TSPAN18: variants seen among roughly 807,000 people sequenced by gnomAD.
The protein encoded by TSPAN18 is tetraspanin-18.
Under a neutral mutation model 27.3 loss-of-function variants are expected in TSPAN18, and 14 were observed. That is an observed-to-expected ratio of 0.51 (90% confidence interval 0.34 to 0.80). The LOEUF (loss-of-function observed/expected upper bound fraction) is 0.80. TSPAN18 is among the 30% of genes least tolerant of loss of function. The pLI is 0.01. For missense variants in TSPAN18, 268 were observed against 323.9 expected, an observed-to-expected ratio of 0.83 and a Z score of 1.32; for synonymous variants, 143 against 136.5, an observed-to-expected ratio of 1.05 and a Z score of -0.33.
At chr11:44,794,008 G>A (rs527530954) in intron 2 of TSPAN18, among the ~76,000 whole-genome samples, 1 of 152,320 alleles carries the variant, frequency 6.6e-6, no homozygotes, top group Admixed American at 6.5e-5. Context: ...CGATCTGTCA[G>A]CGGGTGGGAC....
intron 4 of TSPAN18, among the ~76,000 whole-genome samples, chr11:44,908,755 A>AAAGAAAGAAAG (rs60797298): frequency 1.8e-5 from 2 of 111,234 alleles, no homozygotes; most frequent in African/African-American, 7.8e-5. Flanking sequence ...AGAGAGAGAG[A>AAAGAAAGAAAG]GAGAGAGAGA....
intron 3 of TSPAN18, among the ~76,000 whole-genome samples, chr11:44,885,431 T>C (rs761536910): frequency 4.6e-5 from 7 of 152,116 alleles, no homozygotes; most frequent in Non-Finnish European, 1.5e-5. Flanking sequence ...GGCTTCCTGG[T>C]GGGATTGCCA....
chr11:44,922,592 CAG>C (rs921037055), intron 8 of TSPAN18, among the ~76,000 whole-genome samples: 1 of 152,090 alleles, frequency 6.6e-6, no homozygotes, highest in South Asian at 2.1e-4. Context: ...CCTGGGTAGA[CAG>C]GGGGCTTTTA....
At chr11:44,825,878 C>T (rs1202784077) in intron 2 of TSPAN18, among the ~76,000 whole-genome samples, 1 of 152,170 alleles carries the variant, frequency 6.6e-6, no homozygotes, top group Non-Finnish European at 1.5e-5. Flanking sequence ...ACAGGCCTTA[C>T]AGGACATGCA....
intron 6 of TSPAN18, among the ~76,000 whole-genome samples, chr11:44,918,929 A>G (rs1422606271): frequency 1.3e-5 from 2 of 151,908 alleles, no homozygotes; most frequent in Non-Finnish European, 2.9e-5. Context: ...CCCCACCCAG[A>G]TAAGCCCTCC....
chr11:44,787,134 G>A (rs1856077445), intron 2 of TSPAN18, among the ~76,000 whole-genome samples: 1 of 152,106 alleles, frequency 6.6e-6, no homozygotes. Context: ...AAATTGTTTG[G>A]GGCAAAAATT....
At chr11:44,856,726 TC>T (rs1423921310) in intron 2 of TSPAN18, among the ~76,000 whole-genome samples, 3 of 152,214 alleles carry the variant, frequency 2.0e-5, no homozygotes, top group Non-Finnish European at 4.4e-5. Flanking sequence ...GCTCATGGTC[TC>T]CAGGAAACAG....
intron 8 of TSPAN18, 100 bp from the exon 9 acceptor site, chr11:44,926,574 C>T: frequency 9.2e-7 from 1 of 1,084,370 alleles, no homozygotes; most frequent in Non-Finnish European, 1.4e-6. Flanking sequence ...AGGGTGAGAG[C>T]TCTGGGGACA....
At chr11:44,918,156 C>G in intron 6 of TSPAN18, 110 bp downstream of exon 6, 4 of 1,143,892 alleles carry the variant, frequency 3.5e-6, no homozygotes, top group Non-Finnish European at 5.1e-6. Flanking sequence ...TGGGCAGCCT[C>G]TCATCTGGCA....
intron 3 of TSPAN18, 75 bp from the exon 4 acceptor site, chr11:44,906,332 C>A (rs1327943791): frequency 7.3e-7 from 1 of 1,370,920 alleles, no homozygotes; most frequent in Non-Finnish European, 1.0e-6. Context: ...CTGCGGGGAA[C>A]CCCTGGGGAG....
chr11:44,839,736 G>A (rs1857333085), intron 2 of TSPAN18, among the ~76,000 whole-genome samples: 2 of 152,134 alleles, frequency 1.3e-5, no homozygotes, highest in African/African-American at 4.8e-5. Flanking sequence ...GGGGAGGGAG[G>A]TAAGTGTTGT....
At chr11:44,791,858 C>T (rs1017468988) in intron 2 of TSPAN18, among the ~76,000 whole-genome samples, 10 of 152,296 alleles carry the variant, frequency 6.6e-5, no homozygotes, top group Admixed American at 2.0e-4. Flanking sequence ...CAGCGAGCTT[C>T]GGTTTGTCAC....
rs550970815 is a variant in TSPAN18 at position 44,915,214 on chromosome 11, G to T, written c.259-2758G>T. 5.9e-5 allele frequency among the ~76,000 whole-genome samples: 9 copies of T among 152,294 alleles called. No individual in the cohort carries two copies. The South Asian group carries it at 1.9e-3, about 32-fold the overall frequency. ...GTGAGAGGGCAGAGGGTGGGGAGGG[G>T]CTCCTCATAGAGGACCCATGTAATG... On this transcript the variant is annotated intron_variant, in intron 5 of 9. Coordinates refer to ENST00000520358, the MANE Select transcript of TSPAN18 (RefSeq NM_130783.5).
intron 2 of TSPAN18, among the ~76,000 whole-genome samples, chr11:44,778,002 G>T (rs558048926): frequency 6.6e-6 from 1 of 152,226 alleles, no homozygotes; most frequent in South Asian, 2.1e-4. Context: ...ATACCCTAGG[G>T]GGTAGAGCAC....
intron 2 of TSPAN18, among the ~76,000 whole-genome samples, chr11:44,837,734 C>T (rs1857291708): frequency 6.6e-6 from 1 of 152,254 alleles, no homozygotes; most frequent in South Asian, 2.1e-4. Flanking sequence ...CAGCCATCAA[C>T]ATGGAGGCAA....
chr11:44,778,351 T>C (rs1027590248), intron 2 of TSPAN18, among the ~76,000 whole-genome samples: 2 of 152,096 alleles, frequency 1.3e-5, no homozygotes, highest in African/African-American at 4.8e-5. Context: ...GGGAGGTCTC[T>C]GGTCTGTCAC....
intron 2 of TSPAN18, among the ~76,000 whole-genome samples, chr11:44,775,993 C>T (rs1267846161): frequency 6.6e-6 from 1 of 152,168 alleles, no homozygotes; most frequent in Non-Finnish European, 1.5e-5. Flanking sequence ...AATGTATTAG[C>T]TGCTCCCTGG....
chr11:44,883,117 G>A (rs1190903030), intron 3 of TSPAN18, among the ~76,000 whole-genome samples: 1 of 152,264 alleles, frequency 6.6e-6, no homozygotes. Context: ...GCTTTTACAG[G>A]ATGAGACCCA....
At chr11:44,822,590 G>A (rs1026712112) in intron 2 of TSPAN18, among the ~76,000 whole-genome samples, 1 of 151,838 alleles carries the variant, frequency 6.6e-6, no homozygotes, top group African/African-American at 2.4e-5. Context: ...CCACATAGGT[G>A]CAAAGGAGGC....
Sources: allele counts gnomAD v4.1 joint callset (sites outside exome capture counted in the v4.1 genomes callset), GRCh38; gene constraint gnomAD v4.1.1; transcripts MANE v1.5; gene names NCBI Gene and HGNC (gene_info 2026-07-23, HGNC 2026-07-21).